Variants in ZNF562 observed in about 807,000 individuals in gnomAD.
ZNF562 encodes zinc finger protein 562.
In ZNF562, 13 loss-of-function variants were observed where a neutral mutation model predicts 17.5. That is an observed-to-expected ratio of 0.74 (90% CI 0.48 to 1.18). ZNF562 has a LOEUF of 1.18. Ranked by LOEUF, ZNF562 falls within the 50% of genes most tolerant of loss-of-function variation. The pLI, the probability that ZNF562 is intolerant of heterozygous loss-of-function variation, is 0.00. For missense variants in ZNF562, 481 were observed against 498.5 expected (o/e 0.96, Z 0.33); for synonymous variants, 163 against 165.4 (o/e 0.99, Z 0.11).
In ZNF562 at chr19:9,675,051, C is replaced by G. The variant is rs368936181; in HGVS notation, c.-167G>C. The G allele has an allele frequency of 6.6e-6, 1 of 152,296 alleles. No homozygotes were observed. Among genetic ancestry groups the G allele is most frequent in the African/African-American group, 2.4e-5 (1 of 41,466 alleles). The allele number at this position is 152,296 out of a possible 1,614,324, so 9.4% of individuals were successfully genotyped here. ...GGACTCCACCACAATAAAGGTTAAA[C>G]GGCACTGACCATGCTGAGCCACAGC... On this transcript the variant is annotated 5_prime_UTR_variant, in exon 1 of 6. Transcript: ENST00000453372.
chr19:9,648,877 G>C lies in ZNF562; in HGVS notation c.*4072C>G, dbSNP rs894754512. The C allele has an allele frequency of 1.3e-5, 2 of 152,048 alleles. No individual in the cohort carries two copies. Among genetic ancestry groups the C allele is most frequent in the African/African-American group, 4.8e-5 (2 of 41,396 alleles). The allele number at this position is 152,048 out of a possible 1,614,324, so 9.4% of individuals were successfully genotyped here. ...GTAAATAAACATGATCATCACAGAG[G>C]ATGTGAAGGAAGCATTTAATAAATT... On this transcript the variant is annotated 3_prime_UTR_variant, in exon 6 of 6. Coordinates refer to ENST00000453372, the MANE Select transcript of ZNF562 (RefSeq NM_001130031.2).
chr19:9,672,542 G>A (rs989441943), intron 1 of ZNF562, among the ~76,000 whole-genome samples: 2 of 152,018 alleles, frequency 1.3e-5, no homozygotes, highest in Admixed American at 6.6e-5. Flanking sequence ...AGAAAAAAAT[G>A]TAAAAACTAC....
At chr19:9,672,541 T>G (rs958178147) in intron 1 of ZNF562, among the ~76,000 whole-genome samples, 2 of 152,036 alleles carry the variant, frequency 1.3e-5, no homozygotes, top group Non-Finnish European at 2.9e-5. Context: ...CAGAAAAAAA[T>G]GTAAAAACTA....
rs759209398 is a variant in ZNF562 at position 9,653,387 on chromosome 19, A to G, written c.843T>C (p.Thr281=). ...NFSQLSAHAK[T]HKGEKSFECK... is the part of the protein sequence containing the mutation. ...ATTCAAAGGACTTCTCTCCTTTATG[A>G]GTTTTTGCATGTGCAGAAAGTTGAG... The change falls in exon 6 of 6, where the codon ACT becomes ACC. Residue 281 remains threonine, a synonymous_variant. Coordinates refer to ENST00000453372, the MANE Select transcript of ZNF562 (RefSeq NM_001130031.2). 6.2e-7 allele frequency: 1 copy of G among 1,614,048 alleles called. No individual in the cohort carries two copies.
Position 9,646,581 on chromosome 19 carries a change from A to G in ZNF562, c.*6368T>C, listed in dbSNP as rs2074808128. 1 of 152,152 alleles carries G rather than the reference A, an allele frequency of 6.6e-6. No homozygotes were observed. Among genetic ancestry groups the G allele is most frequent in the South Asian group, 2.1e-4 (1 of 4,830 alleles). 9.4% of individuals were successfully genotyped at this position (152,152 alleles called of 1,614,324 possible). ...GAATTCATAAACCTGGGTACTCTCT[A>G]CCAAGATTAACACAAGCAAAGGGAA... On this transcript the variant is annotated 3_prime_UTR_variant, in exon 6 of 6. Transcript: ENST00000453372.
rs191499938 is a variant in ZNF562 at position 9,641,917 on chromosome 19, G to T, written c.*11032C>A. On this transcript the variant is annotated 3_prime_UTR_variant, in exon 6 of 6. Transcript: ENST00000453372. ...TAGTTCTCATAGGTTTGGGATAAGC[G>T]GTGGAGTTAGGAGCAATTTTTTTTG... The T allele has an allele frequency of 6.6e-6, 1 of 152,110 alleles. No individual in the cohort carries two copies. Among genetic ancestry groups the T allele is most frequent in the Admixed American group, 6.6e-5 (1 of 15,262 alleles). The allele number at this position is 152,110 out of a possible 1,614,324, so 9.4% of individuals were successfully genotyped here.
At chr19:9,660,124 C>G (rs1026849276) in intron 2 of ZNF562, among the ~76,000 whole-genome samples, 1 of 143,468 alleles carries the variant, frequency 7.0e-6, no homozygotes, top group African/African-American at 2.6e-5. Context: ...TTAGCTGAAC[C>G]TGGTGATGCA....
intron 1 of ZNF562, among the ~76,000 whole-genome samples, chr19:9,670,731 G>C (rs1270185752): frequency 6.6e-6 from 1 of 152,176 alleles, no homozygotes; most frequent in Admixed American, 6.5e-5. Flanking sequence ...GCTCATGCCT[G>C]TAATCCCAGC....
At chr19:9,670,156 C>T (rs1423085443) in intron 1 of ZNF562, among the ~76,000 whole-genome samples, 2 of 151,802 alleles carry the variant, frequency 1.3e-5, no homozygotes, top group East Asian at 3.9e-4. Flanking sequence ...GGAGGATCAC[C>T]TGAGCCCAGG....
chr19:9,653,298 G>A lies in ZNF562; in HGVS notation c.932C>T (p.Thr311Ile). Reference sequence around the variant, plus strand: ...CGTACATTTGTGTGGTTTTATTCCAGTGTGAATTTGAATGTGAACATTAAA... The same window carrying A: ...CGTACATTTGTGTGGTTTTATTCCAATGTGAATTTGAATGTGAACATTAAA... Reference protein sequence around the residue: ...SSFNVHIQIHTGIKPHKCTEC... With the variant: ...SSFNVHIQIHIGIKPHKCTEC... The change falls in exon 6 of 6, where the codon ACT becomes ATT. Residue 311 changes from threonine to isoleucine, a missense_variant. Transcript: ENST00000453372. 6.2e-7 allele frequency: 1 copy of A among 1,614,176 alleles called. No individual in the cohort carries two copies. The highest frequency in any genetic ancestry group is 8.5e-7 in the Non-Finnish European group (1 of 1,180,040).
Position 9,669,734 on chromosome 19 carries a change from G to GCGCGCA in ZNF562, c.-131+5280_-131+5281insTGCGCG, listed in dbSNP as rs1221319747. 3.3e-3 allele frequency among the ~76,000 whole-genome samples: 361 copies of GCGCGCA among 109,260 alleles called. 1 individual carries two copies. Among genetic ancestry groups the GCGCGCA allele is most frequent in the Middle Eastern group, 5.0e-3 (1 of 202 alleles). 71.7% of individuals were successfully genotyped at this position (109,260 alleles called of 152,430 possible). ...CGCGCGCGAGCGCGCGCGCGCGCGC[G>GCGCGCA]CACACACACACACACACACACACAC... On this transcript the variant is annotated intron_variant, in intron 1 of 5. Coordinates refer to ENST00000453372, the MANE Select transcript of ZNF562 (RefSeq NM_001130031.2).
At chr19:9,667,479 CCA>C (rs1421033646) in intron 1 of ZNF562, among the ~76,000 whole-genome samples, 1 of 152,176 alleles carries the variant, frequency 6.6e-6, no homozygotes, top group Non-Finnish European at 1.5e-5. Flanking sequence ...TCCACTTTTA[CCA>C]CTTCTATTCA....
At position 9,655,752 on chromosome 19, in the gene ZNF562, T is replaced by TA. The variant is rs1341653544; in HGVS notation, c.348+794dup. Among the ~76,000 whole-genome samples, 3 of 100,172 alleles carry TA rather than the reference T, an allele frequency of 3.0e-5. No individual in the cohort carries two copies. In the South Asian group the frequency reaches 1.1e-3, roughly 36 times the overall value. 65.7% of individuals were successfully genotyped at this position (100,172 alleles called of 152,430 possible). On this transcript the variant is annotated intron_variant, in intron 5 of 5. Coordinates refer to ENST00000453372, the MANE Select transcript of ZNF562 (RefSeq NM_001130031.2). ...TTTTTTTTTTTTTTTTTTTTTTTTT[T>TA]AGATGGAGTCTCACTTGGTCATCTA...
In ZNF562 at chr19:9,641,942, G is replaced by C. The variant is rs747884249; in HGVS notation, c.*11007C>G. On this transcript the variant is annotated 3_prime_UTR_variant, in exon 6 of 6. Coordinates refer to ENST00000453372, the MANE Select transcript of ZNF562 (RefSeq NM_001130031.2). ...GGTGGAGTTAGGAGCAATTTTTTTT[G>C]TAGGCAGTGGGGTGGACGTTACAAA... The C allele has an allele frequency of 1.3e-5, 2 of 151,940 alleles. No homozygotes were observed. Among genetic ancestry groups the C allele is most frequent in the Non-Finnish European group, 2.9e-5 (2 of 67,992 alleles). The allele number at this position is 151,940 out of a possible 1,614,324, so 9.4% of individuals were successfully genotyped here.
chr19:9,656,259 C>T (rs1321216417), intron 5 of ZNF562, among the ~76,000 whole-genome samples: 1 of 152,148 alleles, frequency 6.6e-6, no homozygotes, highest in African/African-American at 2.4e-5. Context: ...CCTGTAATCC[C>T]AGCACTTTGG....
In ZNF562 at chr19:9,658,150, A is replaced by C; in HGVS notation, c.115-15T>G. 6.2e-7 allele frequency: 1 copy of C among 1,609,704 alleles called. No individual in the cohort carries two copies. The highest frequency in any genetic ancestry group is 8.5e-7 in the Non-Finnish European group (1 of 1,177,818). ...GTCACTGAATCCTAAGTCATCAAAC[A>C]CATGCTGGTTTGAGCCAATGAACAC... On this transcript the variant is annotated splice_polypyrimidine_tract_variant and intron_variant, in intron 3 of 5. Coordinates refer to ENST00000453372, the MANE Select transcript of ZNF562 (RefSeq NM_001130031.2).
Position 9,642,034 on chromosome 19 carries a change from A to G in ZNF562, c.*10915T>C, listed in dbSNP as rs1321894695. ...ACAAGGGCGGGGAGGGTGTATCATCACAAGGGTGGGGAGGAAGGTTACAAA... is the reference window on the plus strand; with the variant it reads ...ACAAGGGCGGGGAGGGTGTATCATCGCAAGGGTGGGGAGGAAGGTTACAAA... On this transcript the variant is annotated 3_prime_UTR_variant, in exon 6 of 6. Transcript: ENST00000453372. 6.6e-6 allele frequency: 1 copy of G among 150,948 alleles called. No homozygotes were observed. The highest frequency in any genetic ancestry group is 1.5e-5 in the Non-Finnish European group (1 of 67,806). The allele number at this position is 150,948 out of a possible 1,614,324, so 9.4% of individuals were successfully genotyped here. A position where few individuals can be genotyped will look rare whatever the true frequency, so the allele number is the denominator to read the frequency against.
At chr19:9,673,154 C>G (rs919253685) in intron 1 of ZNF562, among the ~76,000 whole-genome samples, 1 of 152,110 alleles carries the variant, frequency 6.6e-6, no homozygotes, top group Admixed American at 6.6e-5. Context: ...CATCCCCCTA[C>G]CCTTCCTTAT....
intron 4 of ZNF562, among the ~76,000 whole-genome samples, 179 bp from the exon 5 acceptor site, chr19:9,656,832 G>A (rs567865309): frequency 9.3e-5 from 14 of 150,484 alleles, no homozygotes; most frequent in Middle Eastern, 3.5e-3. Flanking sequence ...AGACCATCCT[G>A]ACCAAAATGG....
Sources: gnomAD v4.1 joint callset for allele counts (sites outside exome capture counted in the v4.1 genomes callset) on GRCh38, gnomAD v4.1.1 for gene constraint, MANE v1.5 for transcripts, NCBI Gene and HGNC (gene_info 2026-07-23, HGNC 2026-07-21) for gene names.